LIN52: variants seen among roughly 807,000 people sequenced by gnomAD.
LIN52 encodes lin-52 DREAM MuvB core complex component, also known as protein lin-52 homolog.
A neutral mutation model predicts 18.5 loss-of-function variants in LIN52; 4 were observed. That is an observed-to-expected ratio of 0.22 (90% CI 0.11 to 0.49). The LOEUF (loss-of-function observed/expected upper bound fraction) is 0.49. Among genes scored for constraint, LIN52 ranks in the 20% least tolerant of loss-of-function variants. The probability of loss-of-function intolerance (pLI) is 0.97; values close to 1 mark genes in which losing one functional copy is unlikely to be tolerated. For synonymous variants in LIN52, 34 were observed against 45.5 expected (o/e 0.75, Z 1.02); for missense variants, 102 against 139.5 (o/e 0.73, Z 1.35).
chr14:74,117,858 T>A (rs896471830), intron 5 of LIN52, among the ~76,000 whole-genome samples: 2 of 152,230 alleles, frequency 1.3e-5, no homozygotes, highest in Non-Finnish European at 2.9e-5. Context: ...CTTTGGCATA[T>A]GTATAAGAGA....
intron 5 of LIN52, among the ~76,000 whole-genome samples, chr14:74,167,219 GT>G (rs2061253796): frequency 1.3e-5 from 2 of 149,332 alleles, no homozygotes; most frequent in Non-Finnish European, 3.0e-5. Flanking sequence ...GGAGACAAAT[GT>G]TCCTGGAGAC....
intron 5 of LIN52, among the ~76,000 whole-genome samples, chr14:74,120,527 G>A (rs1417072197): frequency 6.6e-6 from 1 of 152,010 alleles, no homozygotes; most frequent in East Asian, 1.9e-4. Flanking sequence ...GGCCGAGGTG[G>A]GCAGATCACC....
intron 1 of LIN52, among the ~76,000 whole-genome samples, chr14:74,088,493 G>A (rs2060750458): frequency 6.6e-6 from 1 of 152,162 alleles, no homozygotes; most frequent in South Asian, 2.1e-4. Context: ...AAAGCACTGG[G>A]ATTCCAGACA....
At chr14:74,194,111 C>T (rs1032176975) in intron 5 of LIN52, among the ~76,000 whole-genome samples, 1 of 152,160 alleles carries the variant, frequency 6.6e-6, no homozygotes, top group Non-Finnish European at 1.5e-5. Context: ...TGTAATAAAA[C>T]CCATATGTCA....
At chr14:74,161,466 C>T (rs755446860) in intron 5 of LIN52, among the ~76,000 whole-genome samples, 43 of 152,286 alleles carry the variant, frequency 2.8e-4, no homozygotes, top group Non-Finnish European at 4.9e-4. Context: ...GGATTACCGG[C>T]GTCAGCCACC....
Position 74,171,378 on chromosome 14 carries a change from A to C in LIN52, c.284-27544A>C, listed in dbSNP as rs1416856592. The stretch of plus-strand genomic sequence containing the variant: ...AGAGCCTGTCTAAAAAAAAAAAAAA[A>C]CCCAAACAAAAGTCTGTTGTATTTT... On this transcript the variant is annotated intron_variant, in intron 5 of 5. Transcript: ENST00000555028. 3.3e-5 allele frequency among the ~76,000 whole-genome samples: 5 copies of C among 151,714 alleles called. No individual in the cohort carries two copies. The East Asian group carries it at 5.8e-4, about 18-fold the overall frequency.
intron 5 of LIN52, among the ~76,000 whole-genome samples, chr14:74,195,251 A>T (rs1365607697): frequency 6.6e-6 from 1 of 152,202 alleles, no homozygotes; most frequent in African/African-American, 2.4e-5. Flanking sequence ...ATAATACATT[A>T]TGGGGAACAA....
At chr14:74,091,194 T>G in intron 1 of LIN52, 38 bp from the exon 2 acceptor site, 5 of 1,445,592 alleles carry the variant, frequency 3.5e-6, no homozygotes, top group Non-Finnish European at 4.9e-6. Flanking sequence ...ATTAATGTGT[T>G]TCCTGTCTTC....
intron 5 of LIN52, among the ~76,000 whole-genome samples, chr14:74,181,107 C>CAAAAAAA (rs149099646): frequency 4.9e-4 from 47 of 95,742 alleles, no homozygotes; most frequent in African/African-American, 6.9e-4. Flanking sequence ...GACTCTGTCT[C>CAAAAAAA]AAAAAAAAAA....
At chr14:74,176,096 T>A (rs991380928) in intron 5 of LIN52, among the ~76,000 whole-genome samples, 1 of 152,164 alleles carries the variant, frequency 6.6e-6, no homozygotes. Context: ...GTAACACACA[T>A]GGAGCTGTCA....
At chr14:74,165,804 G>T (rs1184953830) in intron 5 of LIN52, among the ~76,000 whole-genome samples, 1 of 148,038 alleles carries the variant, frequency 6.8e-6, no homozygotes, top group Non-Finnish European at 1.5e-5. Context: ...CCACTGTGCT[G>T]GGCCTATTTT....
At chr14:74,171,293 A>G (rs1475110945) in intron 5 of LIN52, among the ~76,000 whole-genome samples, 1 of 151,732 alleles carries the variant, frequency 6.6e-6, no homozygotes, top group African/African-American at 2.4e-5. Context: ...ATTGCTTTGA[A>G]GGTCAAGGCT....
intron 5 of LIN52, among the ~76,000 whole-genome samples, chr14:74,163,962 G>A (rs1480841092): frequency 6.6e-6 from 1 of 151,180 alleles, no homozygotes; most frequent in African/African-American, 2.4e-5. Context: ...CTAGACCAGT[G>A]GAAGATGGGG....
chr14:74,176,134 A>G (rs2061293315), intron 5 of LIN52, among the ~76,000 whole-genome samples: 1 of 152,208 alleles, frequency 6.6e-6, no homozygotes, highest in East Asian at 1.9e-4. Context: ...GCCTTCTAGA[A>G]TACCTCCTGT....
chr14:74,170,946 T>C (rs2139574564), intron 5 of LIN52, among the ~76,000 whole-genome samples: 1 of 150,956 alleles, frequency 6.6e-6, no homozygotes, highest in South Asian at 2.1e-4. Flanking sequence ...TTAGAGATAC[T>C]GTGGCTGGTA....
chr14:74,130,024 ACTC>A (rs2061051654), intron 5 of LIN52, among the ~76,000 whole-genome samples: 1 of 151,540 alleles, frequency 6.6e-6, no homozygotes, highest in African/African-American at 2.4e-5. Context: ...GGGCAGGGAA[ACTC>A]CTCCTTTTAA....
chr14:74,100,222 G>C (rs1005106684), intron 4 of LIN52, among the ~76,000 whole-genome samples: 4 of 152,138 alleles, frequency 2.6e-5, no homozygotes, highest in Admixed American at 6.5e-5. Context: ...CAAAAGACAA[G>C]GTTTTACATT....
At chr14:74,087,140 G>A (rs8015500) in intron 1 of LIN52, among the ~76,000 whole-genome samples, 28,267 of 151,940 alleles carry the variant, frequency 0.19, 2,838 homozygotes, top group South Asian at 0.43. Context: ...ATTTGGCTTG[G>A]CGTGGTGGCT....
chr14:74,161,758 C>A (rs570078468), intron 5 of LIN52, among the ~76,000 whole-genome samples: 1 of 152,278 alleles, frequency 6.6e-6, no homozygotes, highest in Non-Finnish European at 1.5e-5. Context: ...GGAGGGAGCC[C>A]CACCACTGAA....
Sources: gnomAD v4.1 joint callset for allele counts (sites outside exome capture counted in the v4.1 genomes callset) on GRCh38, gnomAD v4.1.1 for gene constraint, MANE v1.5 for transcripts, NCBI Gene and HGNC (gene_info 2026-07-23, HGNC 2026-07-21) for gene names.